The following SLC10A7 variants were observed in gnomAD, a reference collection of about 807,000 sequenced individuals.
SLC10A7 encodes the protein sodium/bile acid cotransporter 7.
A neutral mutation model predicts 43.2 loss-of-function variants in SLC10A7; 29 were observed. The observed-to-expected ratio is 0.67, with a 90% CI of 0.50 to 0.92. SLC10A7 has a LOEUF of 0.92. Among genes scored for constraint, SLC10A7 ranks in the 40% least tolerant of loss-of-function variants. The pLI is 0.00. For synonymous variants in SLC10A7, 152 were observed against 144.8 expected, an observed-to-expected ratio of 1.05 and a Z score of -0.35; for missense variants, 295 against 403.2, an observed-to-expected ratio of 0.73 and a Z score of 2.30.
At chr4:146,303,864 ATAT>A (rs33926372) in intron 7 of SLC10A7, among the ~76,000 whole-genome samples, 105,479 of 151,094 alleles carry the variant, frequency 0.7, 37,006 homozygotes, top group African/African-American at 0.74. Context: ...TTTACGATAG[ATAT>A]TATTGTCATA....
intron 5 of SLC10A7, among the ~76,000 whole-genome samples, chr4:146,375,078 T>C (rs1355850126): frequency 6.6e-6 from 1 of 151,994 alleles, no homozygotes; most frequent in Non-Finnish European, 1.5e-5. Context: ...TGGTGGTGCA[T>C]GCCTGTAATC....
chr4:146,280,496 C>G (rs968957674), intron 10 of SLC10A7, among the ~76,000 whole-genome samples: 1 of 151,958 alleles, frequency 6.6e-6, no homozygotes, highest in Non-Finnish European at 1.5e-5. Context: ...TTGCTGTGAG[C>G]CTTAAACTGC....
chr4:146,460,329 A>G (rs1483709742), intron 4 of SLC10A7, among the ~76,000 whole-genome samples: 3 of 151,990 alleles, frequency 2.0e-5, no homozygotes, highest in Non-Finnish European at 4.4e-5. Context: ...CCATCCCACC[A>G]CTAGGTATTT....
chr4:146,344,468 T>C (rs1281968266), intron 5 of SLC10A7, among the ~76,000 whole-genome samples: 4 of 152,066 alleles, frequency 2.6e-5, no homozygotes, highest in African/African-American at 9.7e-5. Context: ...CCATCTTGGA[T>C]GATAGTCTTT....
At chr4:146,286,580 G>A (rs139609727) in intron 9 of SLC10A7, among the ~76,000 whole-genome samples, 4 of 146,558 alleles carry the variant, frequency 2.7e-5, no homozygotes, top group Admixed American at 6.9e-5. Context: ...GAGAAGGACC[G>A]AGTCTGGAGT....
chr4:146,305,592 C>A (rs1352359834), intron 7 of SLC10A7, among the ~76,000 whole-genome samples: 1 of 126,382 alleles, frequency 7.9e-6, no homozygotes. Flanking sequence ...GAAAAAAAAA[C>A]TTAAAAAAAA....
At chr4:146,438,032 G>A (rs1003310153) in intron 5 of SLC10A7, among the ~76,000 whole-genome samples, 1 of 151,920 alleles carries the variant, frequency 6.6e-6, no homozygotes, top group Admixed American at 6.6e-5. Context: ...AAAATTACAA[G>A]AAGGTGATAA....
intron 5 of SLC10A7, among the ~76,000 whole-genome samples, chr4:146,344,691 G>A (rs1299462406): frequency 6.6e-6 from 1 of 151,952 alleles, no homozygotes; most frequent in Non-Finnish European, 1.5e-5. Context: ...TACATGACAT[G>A]TGATATCAAA....
intron 6 of SLC10A7, among the ~76,000 whole-genome samples, chr4:146,322,701 T>C (rs1293717340): frequency 3.9e-5 from 6 of 152,168 alleles, no homozygotes; most frequent in African/African-American, 9.7e-5. Context: ...TGTGTCTTTA[T>C]AGCAGCATGA....
At chr4:146,415,197 T>C (rs1560886589) in intron 5 of SLC10A7, among the ~76,000 whole-genome samples, 1 of 152,210 alleles carries the variant, frequency 6.6e-6, no homozygotes, top group Non-Finnish European at 1.5e-5. Flanking sequence ...TTTCTGTAAC[T>C]TGAACTAACC....
At chr4:146,311,993 A>G (rs1460600830) in intron 6 of SLC10A7, among the ~76,000 whole-genome samples, 1 of 152,172 alleles carries the variant, frequency 6.6e-6, no homozygotes, top group Admixed American at 6.6e-5. Flanking sequence ...AATGTATACC[A>G]GGTGACAGAC....
chr4:146,497,257 A>G (rs1008781150), intron 4 of SLC10A7, among the ~76,000 whole-genome samples: 5 of 152,250 alleles, frequency 3.3e-5, no homozygotes, highest in Admixed American at 2.0e-4. Flanking sequence ...GCCTATAGTC[A>G]GTACACTGCT....
Position 146,258,742 on chromosome 4 carries a change from C to T in SLC10A7, c.943G>A (p.Gly315Arg). The T allele has an allele frequency of 1.2e-6, 2 of 1,609,692 alleles. No individual in the cohort carries two copies. The highest frequency in any genetic ancestry group is 1.1e-5 in the South Asian group (1 of 90,002). The change falls in exon 11 of 12, where the codon GGA becomes AGA. Residue 315 changes from glycine to arginine, a missense_variant. This residue lies in a region of SLC10A7 where 242 missense variants were observed against 362.5 expected (regional missense o/e 0.67). Transcript: ENST00000335472. ...TTGATTGTTGGCACCAACACACTTC[C>T]CAGAAGGATCTGAGCTGGGTGGTAG... ...LIYHPAQILL[G>R]SVLVPTIKSW...
chr4:146,346,920 G>T (rs1419572071), intron 5 of SLC10A7, among the ~76,000 whole-genome samples: 1 of 152,034 alleles, frequency 6.6e-6, no homozygotes. Flanking sequence ...CCAAGAGGAG[G>T]GGGGAAACAA....
At chr4:146,307,797 T>C (rs1485816478) in intron 6 of SLC10A7, among the ~76,000 whole-genome samples, 1 of 152,150 alleles carries the variant, frequency 6.6e-6, no homozygotes, top group Non-Finnish European at 1.5e-5. Context: ...TATCCCTGGC[T>C]CCTCTTTCTA....
chr4:146,508,376 T>C (rs1737123006), intron 3 of SLC10A7, among the ~76,000 whole-genome samples: 1 of 152,238 alleles, frequency 6.6e-6, no homozygotes, highest in Admixed American at 6.5e-5. Flanking sequence ...ATTCAGTAAC[T>C]ATTGGTTCTT....
At chr4:146,316,242 G>A (rs1233000065) in intron 6 of SLC10A7, among the ~76,000 whole-genome samples, 2 of 152,036 alleles carry the variant, frequency 1.3e-5, no homozygotes, top group Non-Finnish European at 2.9e-5. Context: ...TGAGAGATAT[G>A]CTATCAAGAT....
At chr4:146,317,177 C>T (rs72950642) in intron 6 of SLC10A7, among the ~76,000 whole-genome samples, 159 of 152,166 alleles carry the variant, frequency 1.0e-3, no homozygotes, top group African/African-American at 3.4e-3. Flanking sequence ...GAAGTTAGAG[C>T]ATATAACAAG....
chr4:146,519,840 T>G (rs1738448712), intron 1 of SLC10A7, among the ~76,000 whole-genome samples: 1 of 152,064 alleles, frequency 6.6e-6, no homozygotes, highest in Admixed American at 6.6e-5. Flanking sequence ...AATATTCCCC[T>G]CCCCCTCTTA....
Sources: allele counts gnomAD v4.1 joint callset (sites outside exome capture counted in the v4.1 genomes callset), GRCh38; gene constraint gnomAD v4.1.1; regional missense constraint gnomAD v4.1.1; transcripts MANE v1.5; gene names NCBI Gene and HGNC (gene_info 2026-07-23, HGNC 2026-07-21).